Variants in SETD1A observed in about 807,000 individuals in gnomAD.
SETD1A encodes the protein SET domain containing 1A, histone lysine methyltransferase, also known as histone-lysine N-methyltransferase SETD1A.
SETD1A carries 29 observed loss-of-function variants against 149.9 expected under a neutral mutation model. The observed-to-expected ratio is 0.19, with a 90% CI of 0.14 to 0.26. The LOEUF is 0.26. SETD1A is among the 10% of genes least tolerant of loss of function. SETD1A has a pLI of 1.00. For missense variants in SETD1A, 2,109 were observed against 2,353.1 expected, an observed-to-expected ratio of 0.90 and a Z score of 2.15; for synonymous variants, 1,141 against 968.5, an observed-to-expected ratio of 1.18 and a Z score of -3.31.
At chr16:30,968,601 G>A (rs1310561193) in intron 10 of SETD1A, among the ~76,000 whole-genome samples, 2 of 151,826 alleles carry the variant, frequency 1.3e-5, no homozygotes, top group Non-Finnish European at 2.9e-5. Context: ...AAGAGATCGA[G>A]ACCATCCTGG....
At position 30,983,557 on chromosome 16, in the gene SETD1A, T is replaced by TG. The variant is rs2056411562; in HGVS notation, c.4813-74dup. The TG allele has an allele frequency of 1.1e-5, 17 of 1,537,064 alleles. No individual in the cohort carries two copies. In the South Asian group the frequency reaches 2.1e-4, roughly 19 times the overall value. On this transcript the variant is annotated intron_variant, in intron 17 of 18. Coordinates refer to ENST00000262519, the MANE Select transcript of SETD1A (RefSeq NM_014712.3). The surrounding 1 kb of genome is among the most constrained non-coding windows in gnomAD (Gnocchi z 6.8). ...GCTCCAGGCCTGGTGGGCGTGGACC[T>TG]GGGGTGCTGGCTGGCAGGCGTGCTC...
intron 4 of SETD1A, among the ~76,000 whole-genome samples, chr16:30,962,841 A>C (rs552721596): frequency 6.6e-6 from 1 of 152,346 alleles, no homozygotes; most frequent in East Asian, 1.9e-4. Flanking sequence ...GCTACTCGAG[A>C]GGCTGAGGCA....
intron 10 of SETD1A, among the ~76,000 whole-genome samples, chr16:30,968,491 C>T (rs1378002769): frequency 6.6e-6 from 1 of 150,604 alleles, no homozygotes; most frequent in Non-Finnish European, 1.5e-5. Context: ...TATATATATA[C>T]ACACACATAT....
intron 2 of SETD1A, 25 bp downstream of exon 2, chr16:30,958,906 C>G: frequency 6.2e-7 from 1 of 1,612,932 alleles, no homozygotes; most frequent in Non-Finnish European, 8.5e-7. Context: ...CTTTGGTTGC[C>G]ATCCGGGGAG....
At chr16:30,967,423 G>A (rs1350146092) in intron 9 of SETD1A, 78 bp from the exon 10 acceptor site, 1 of 1,332,364 alleles carries the variant, frequency 7.5e-7, no homozygotes, top group Non-Finnish European at 1.1e-6. Context: ...CAAAGTGCTG[G>A]GATTACAGGA....
intron 4 of SETD1A, among the ~76,000 whole-genome samples, chr16:30,962,811 G>C (rs762296437): frequency 6.6e-6 from 1 of 152,208 alleles, no homozygotes; most frequent in Non-Finnish European, 1.5e-5. Flanking sequence ...CGGACGTGGT[G>C]GTTCATGCTT....
intron 13 of SETD1A, among the ~76,000 whole-genome samples, chr16:30,977,096 G>A (rs117967239): frequency 6.6e-6 from 1 of 152,094 alleles, no homozygotes; most frequent in African/African-American, 2.4e-5. Flanking sequence ...TAAGGCACGC[G>A]CCATCACGCC....
intron 13 of SETD1A, among the ~76,000 whole-genome samples, chr16:30,974,441 G>A (rs2056260418): frequency 6.6e-6 from 1 of 152,136 alleles, no homozygotes; most frequent in African/African-American, 2.4e-5. Context: ...AGAGCAGTGG[G>A]CAAGCAGGGC....
At position 30,965,633 on chromosome 16, in the gene SETD1A, G is replaced by C; in HGVS notation, c.1752G>C (p.Glu584Asp). 1 of 1,611,530 alleles carries C rather than the reference G, an allele frequency of 6.2e-7. No homozygotes were observed. The highest frequency in any genetic ancestry group is 8.5e-7 in the Non-Finnish European group (1 of 1,179,294). The change falls in exon 8 of 19, where the codon GAG becomes GAC. Residue 584 changes from glutamate (E) to aspartate (D), a missense_variant. By Grantham distance (45) the Glu-to-Asp change is conservative. Around this residue, in one of 8 missense-constraint regions of SETD1A, gnomAD observed 431 missense variants for 388.6 expected, o/e 1.11. Coordinates refer to ENST00000262519, the MANE Select transcript of SETD1A (RefSeq NM_014712.3). ...CATGCTCTTCTGGAGACGACATGGA[G>C]ATCTCCGACGACGACCGGGGTGGCT... The part of the protein sequence containing the change: ...ASPCSSGDDM[E>D]ISDDDRGGSP...
chr16:30,968,930 C>T (rs897422387), intron 10 of SETD1A, among the ~76,000 whole-genome samples: 6 of 152,068 alleles, frequency 3.9e-5, no homozygotes, highest in African/African-American at 1.4e-4. Context: ...CATAGGTAGA[C>T]CCTGTCTCTA....
rs776375871 is a variant in SETD1A, at chr16:30,979,251, C to T, written c.3465C>T (p.Ile1155=). 4.6e-6 allele frequency: 7 copies of T among 1,527,930 alleles called. No homozygotes were observed. The highest frequency in any genetic ancestry group is 1.1e-5 in the South Asian group (1 of 89,386). 94.6% of individuals were successfully genotyped at this position (1,527,930 alleles called of 1,614,324 possible). ...CCGATGAGCGTCCCTCTTCTCCCAT[C>T]CCCCTCCTGCCCCCACCCAAGAAAC... ...PRPDERPSSP[I]PLLPPPKKRR... Residue 1155 remains isoleucine (I), a synonymous_variant, in exon 14 of 19, where the codon ATC becomes ATT. Transcript: ENST00000262519.
Position 30,965,467 on chromosome 16 carries a change from G to T in SETD1A, c.1719+6G>T. The T allele has an allele frequency of 6.3e-7, 1 of 1,589,720 alleles. No individual in the cohort carries two copies. The highest frequency in any genetic ancestry group is 1.3e-5 in the African/African-American group (1 of 74,348). Reference sequence around the variant, plus strand: ...AGGCAAATGGACAGAACCAGGTGAGGTTGGGGTCAGCCAGAGGAGGCACCT... The same window carrying T: ...AGGCAAATGGACAGAACCAGGTGAGTTTGGGGTCAGCCAGAGGAGGCACCT... On this transcript the variant is annotated splice_donor_region_variant and intron_variant, in intron 7 of 18. Transcript: ENST00000262519.
Position 30,979,974 on chromosome 16 carries a change from C to T in SETD1A, c.4188C>T (p.Ser1396=). 6.6e-7 allele frequency: 1 copy of T among 1,519,186 alleles called. No individual in the cohort carries two copies. The highest frequency in any genetic ancestry group is 8.8e-7 in the Non-Finnish European group (1 of 1,137,348). 94.1% of individuals were successfully genotyped at this position (1,519,186 alleles called of 1,614,324 possible). ...CCCTCCGGAGGCGCAGCCTCCGCTC[C>T]CACGCCCGGCGCCGCCGCCCTCCGC... is the stretch of plus-strand genomic sequence containing the variant. ...EGALRRRSLR[S]HARRRRPPPP... The change falls in exon 14 of 19, where the codon TCC becomes TCT. Residue 1396 remains serine, a synonymous_variant. Transcript: ENST00000262519.
chr16:30,960,084 C>G (rs773978028), intron 3 of SETD1A, among the ~76,000 whole-genome samples: 13 of 152,150 alleles, frequency 8.5e-5, no homozygotes, highest in Non-Finnish European at 1.8e-4. Context: ...TGGCTCTTTT[C>G]TTTTTTATTC....
chr16:30,969,976 G>A (rs1262716974), intron 12 of SETD1A, among the ~76,000 whole-genome samples: 1 of 152,014 alleles, frequency 6.6e-6, no homozygotes, highest in East Asian at 1.9e-4. Context: ...TGTTGTTGTT[G>A]TTGTTGTTTT....
intron 2 of SETD1A, 24 bp from the exon 3 acceptor site, chr16:30,959,063 CTCTT>C: frequency 6.4e-7 from 1 of 1,561,534 alleles, no homozygotes; most frequent in Non-Finnish European, 8.8e-7. Flanking sequence ...ACCCTGAGCT[CTCTT>C]TCTGCTGCTG....
rs758162883 is a variant in SETD1A at position 30,983,810 on chromosome 16, G to A, written c.4950+38G>A. 17 of 1,611,612 alleles carry A rather than the reference G, an allele frequency of 1.1e-5. No individual in the cohort carries two copies. The highest frequency in any genetic ancestry group is 3.3e-5 in the Admixed American group (2 of 59,876). On this transcript the variant is annotated intron_variant, in intron 18 of 18. Transcript: ENST00000262519. This position sits in a 1 kb window ranked among gnomAD's most constrained non-coding sequence, Gnocchi z 6.8. ...CCAGCCGGGGCAGGAGTTGGGGGTC[G>A]GTGGGGGTGGCCACGGCTCACACGC...
At position 30,964,247 on chromosome 16, in the gene SETD1A, C is replaced by T. The variant is rs2056100557; in HGVS notation, c.793C>T (p.Pro265Ser). The change falls in exon 6 of 19, where the codon CCT becomes TCT. Residue 265 changes from proline to serine, a missense_variant. Pro to Ser is a moderately conservative substitution (Grantham distance 74). Around this residue, in one of 8 missense-constraint regions of SETD1A, gnomAD observed 410 missense variants for 394.8 expected, o/e 1.04. Transcript: ENST00000262519. ...CCCATCTTCCTTTGGCCAGTTCACA[C>T]CTCAGTCCTCCCAAGGAACCCCCTA... ...DTPSSFGQFTPQSSQGTPYTS... is the reference protein window; with the variant it reads ...DTPSSFGQFTSQSSQGTPYTS... 1 of 1,613,930 alleles carries T rather than the reference C, an allele frequency of 6.2e-7. No homozygotes were observed. The highest frequency in any genetic ancestry group is 8.5e-7 in the Non-Finnish European group (1 of 1,179,984).
At position 30,961,828 on chromosome 16, in the gene SETD1A, A is replaced by G. The variant is rs141047874; in HGVS notation, c.517+291A>G. ...CTAGGTAAGATGAATAGATTGTAGT[A>G]AATCAGCCCAGGTCAGGTTGGTTGC... On this transcript the variant is annotated intron_variant, in intron 4 of 18. Transcript: ENST00000262519. This position sits in a 1 kb window ranked among gnomAD's most constrained non-coding sequence, Gnocchi z 4.0. Among the ~76,000 whole-genome samples, 442 of 152,056 alleles carry G rather than the reference A, an allele frequency of 2.9e-3. No homozygotes were observed. The highest frequency in any genetic ancestry group is 3.8e-3 in the Non-Finnish European group (261 of 67,998).
Sources: allele counts gnomAD v4.1 joint callset (sites outside exome capture counted in the v4.1 genomes callset), GRCh38; gene constraint gnomAD v4.1.1; regional missense constraint gnomAD v4.1.1; non-coding constraint Gnocchi (gnomAD v3.1); transcripts MANE v1.5; gene names NCBI Gene and HGNC (gene_info 2026-07-23, HGNC 2026-07-21).